The following COL8A2 variants were observed in gnomAD, a reference collection of about 807,000 sequenced individuals.
COL8A2 encodes the protein collagen alpha-2(VIII) chain.
Under a neutral mutation model 24.0 loss-of-function variants are expected in COL8A2, and 16 were observed. The observed-to-expected ratio is 0.67, with a 90% CI of 0.45 to 1.01. The LOEUF (loss-of-function observed/expected upper bound fraction) is 1.01, where lower values mean the gene tolerates loss of function less well. Ranked by LOEUF, COL8A2 falls within the 50% of genes least tolerant of loss-of-function variation. The probability of loss-of-function intolerance (pLI) is 0.00; values close to 1 mark genes in which losing one functional copy is unlikely to be tolerated. For synonymous variants in COL8A2, 466 were observed against 424.5 expected, an observed-to-expected ratio of 1.10 and a Z score of -1.20; for missense variants, 818 against 942.4, an observed-to-expected ratio of 0.87 and a Z score of 1.73.
chr1:36,124,788 A>T lies in COL8A2; in HGVS notation c.-62+269T>A, dbSNP rs556761189. ...CACATCGTCGGGGGTTGCACCCGGC[A>T]CTGTCTTATGCTGGAGCCCTCGCTT... On this transcript the variant is annotated intron_variant, in intron 1 of 3. Coordinates refer to ENST00000397799, the MANE Select transcript of COL8A2 (RefSeq NM_005202.4). 4.1e-4 allele frequency among the ~76,000 whole-genome samples: 62 copies of T among 152,014 alleles called. No homozygotes were observed. In the South Asian group the frequency reaches 0.011, roughly 28 times the overall value.
intron 2 of COL8A2, 30 bp from the exon 3 acceptor site, chr1:36,100,288 G>A (rs1643658422): frequency 3.3e-6 from 5 of 1,534,054 alleles, no homozygotes; most frequent in Non-Finnish European, 4.4e-6. Context: ...AAGTCATCAA[G>A]CCAGCCCTGG....
Position 36,098,562 on chromosome 1 carries a change from C to G in COL8A2, c.1119G>C (p.Gly373=), listed in dbSNP as rs543271039. The change falls in exon 4 of 4, where the codon GGG becomes GGC. Residue 373 remains glycine (G), a synonymous_variant. Transcript: ENST00000397799. ...CTGCCTCACCCTTAGGCCCAGGGGG[C>G]CCACGTCTGCCAGGAAGCCCTGCAG... The part of the protein sequence containing the change: ...PGSAGLPGRR[G]PPGPKGEAGP... 1.2e-6 allele frequency: 2 copies of G among 1,605,118 alleles called. No homozygotes were observed. The highest frequency in any genetic ancestry group is 2.7e-5 in the African/African-American group (2 of 74,666).
At position 36,120,410 on chromosome 1, in the gene COL8A2, A is replaced by G. The variant is rs187306817; in HGVS notation, c.-62+4647T>C. On this transcript the variant is annotated intron_variant, in intron 1 of 3. Transcript: ENST00000397799. The stretch of plus-strand genomic sequence containing the variant: ...GGAGGTTGCAGTGAGCCAAGATTGC[A>G]CCACTGCACTCCAGCCTGGGTGACA... Among the ~76,000 whole-genome samples, 1,075 of 151,740 alleles carry G rather than the reference A, an allele frequency of 7.1e-3. 14 individuals carry two copies. The highest frequency in any genetic ancestry group is 0.025 in the African/African-American group (1,030 of 41,274).
At chr1:36,110,081 C>T (rs561845737) in intron 2 of COL8A2, among the ~76,000 whole-genome samples, 1 of 151,942 alleles carries the variant, frequency 6.6e-6, no homozygotes, top group East Asian at 1.9e-4. Context: ...AGGGGCCCGC[C>T]ACCACGCCCG....
chr1:36,096,464 G>A lies in COL8A2; in HGVS notation c.*1105C>T, dbSNP rs1643565542. 6.6e-6 allele frequency: 1 copy of A among 152,310 alleles called. No individual in the cohort carries two copies. The highest frequency in any genetic ancestry group is 6.5e-5 in the Admixed American group (1 of 15,274). 9.4% of individuals were successfully genotyped at this position (152,310 alleles called of 1,614,324 possible). ...GGTGGAAGGAGAGGAAGCCCCCACA[G>A]ATGAACCCCTCTTGTACACACATAC... On this transcript the variant is annotated 3_prime_UTR_variant, in exon 4 of 4. Transcript: ENST00000397799.
chr1:36,101,852 G>T (rs1261447060), intron 2 of COL8A2, among the ~76,000 whole-genome samples: 1 of 151,532 alleles, frequency 6.6e-6, no homozygotes, highest in Admixed American at 6.6e-5. Context: ...AAACCAGCCT[G>T]GGCAACATAG....
Position 36,097,716 on chromosome 1 carries a change from G to A in COL8A2, c.1965C>T (p.Tyr655=), listed in dbSNP as rs1643592221. 3.1e-6 allele frequency: 5 copies of A among 1,613,708 alleles called. No homozygotes were observed. Among genetic ancestry groups the A allele is most frequent in the Non-Finnish European group, 4.2e-6 (5 of 1,180,030 alleles). The change falls in exon 4 of 4, where the codon TAC becomes TAT. Residue 655 remains tyrosine, a synonymous_variant. Transcript: ENST00000397799. ...CGGCCCCACCAGATGCCTGGTCCAG[G>A]TAGCCCTTCTTGTACTCATCGTAGG... is the stretch of plus-strand genomic sequence containing the variant. ...TYTYDEYKKG[Y]LDQASGGAVL...
At chr1:36,106,877 C>T (rs566054367) in intron 2 of COL8A2, among the ~76,000 whole-genome samples, 16 of 152,044 alleles carry the variant, frequency 1.1e-4, no homozygotes, top group Admixed American at 5.3e-4. Context: ...TCCTGCACTG[C>T]GTTCTGCTCG....
At position 36,099,864 on chromosome 1, in the gene COL8A2, C is replaced by T. The variant is rs74066023; in HGVS notation, c.193+186G>A. ...CCAGTTCATCTCCCCCTTGGAAGAC[C>T]ACCTGTGCCAGCTAACTGCACCGTT... On this transcript the variant is annotated intron_variant, in intron 3 of 3. Coordinates refer to ENST00000397799, the MANE Select transcript of COL8A2 (RefSeq NM_005202.4). Among the ~76,000 whole-genome samples, 13,795 of 152,242 alleles carry T rather than the reference C, an allele frequency of 0.091. 739 individuals carry two copies. The highest frequency in any genetic ancestry group is 0.2 in the South Asian group (966 of 4,820).
At chr1:36,101,609 A>C (rs976978848) in intron 2 of COL8A2, among the ~76,000 whole-genome samples, 9 of 152,228 alleles carry the variant, frequency 5.9e-5, no homozygotes, top group Non-Finnish European at 1.2e-4. Context: ...GAAATGAGAG[A>C]GGATGTCCAC....
At chr1:36,104,870 T>A (rs531326844) in intron 2 of COL8A2, among the ~76,000 whole-genome samples, 39 of 152,294 alleles carry the variant, frequency 2.6e-4, no homozygotes, top group African/African-American at 9.1e-4. Flanking sequence ...GCTGCTGTGA[T>A]AAGTGGAGAT....
intron 1 of COL8A2, among the ~76,000 whole-genome samples, chr1:36,121,761 C>T (rs1375998039): frequency 6.6e-6 from 1 of 151,982 alleles, no homozygotes; most frequent in African/African-American, 2.4e-5. Flanking sequence ...AGTAAGGTTC[C>T]CTCTGCTCCA....
intron 3 of COL8A2, 85 bp from the exon 4 acceptor site, chr1:36,099,572 G>A (rs1643643279): frequency 9.9e-7 from 1 of 1,010,906 alleles, no homozygotes; most frequent in African/African-American, 1.6e-5. Flanking sequence ...ATTCCAGTAT[G>A]AGGTACACGG....
chr1:36,114,386 C>T (rs183567681), intron 2 of COL8A2, among the ~76,000 whole-genome samples: 2 of 151,626 alleles, frequency 1.3e-5, no homozygotes, highest in Non-Finnish European at 2.9e-5. Flanking sequence ...CCCACGGATT[C>T]CCCCTTGGGG....
In COL8A2 at chr1:36,098,432, G is replaced by T; in HGVS notation, c.1249C>A (p.His417Asn). The T allele has an allele frequency of 6.3e-7, 1 of 1,584,856 alleles. No homozygotes were observed. The change falls in exon 4 of 4, where the codon CAT becomes AAT. Residue 417 changes from histidine to asparagine, a missense_variant. Coordinates refer to ENST00000397799, the MANE Select transcript of COL8A2 (RefSeq NM_005202.4). ...VPGERGLPGA[H>N]GPPGPTGPKG... is the part of the protein sequence containing the mutation. ...GGCCCAGTTGGTCCAGGGGGTCCATGGGCCCCAGGAAGTCCCCTCTCACCT... is the reference window on the plus strand; with the variant it reads ...GGCCCAGTTGGTCCAGGGGGTCCATTGGCCCCAGGAAGTCCCCTCTCACCT...
chr1:36,098,592 A>G lies in COL8A2; in HGVS notation c.1089T>C (p.Pro363=). ...PQGLGGPPGL[P]GSAGLPGRRG... is the part of the protein sequence containing the mutation. ...GTCTGCCAGGAAGCCCTGCAGACCC[A>G]GGAAGTCCAGGGGGACCCCCAAGAC... The change falls in exon 4 of 4, where the codon CCT becomes CCC. Residue 363 remains proline (P), a synonymous_variant. Transcript: ENST00000397799. The G allele has an allele frequency of 6.2e-7, 1 of 1,610,486 alleles. No homozygotes were observed. The highest frequency in any genetic ancestry group is 8.5e-7 in the Non-Finnish European group (1 of 1,178,942).
In COL8A2 at chr1:36,097,203, G is replaced by A; in HGVS notation, c.*366C>T. On this transcript the variant is annotated 3_prime_UTR_variant, in exon 4 of 4. Transcript: ENST00000397799. ...GCCGTGCCCCTTTCCTCCAGCAGGT[G>A]CCATCAGGGAGCCAGTGGGAAGGGC... 1 of 230,338 alleles carries A rather than the reference G, an allele frequency of 4.3e-6. No homozygotes were observed. Among genetic ancestry groups the A allele is most frequent in the Non-Finnish European group, 8.6e-6 (1 of 115,950 alleles). 14.3% of individuals were successfully genotyped at this position (230,338 alleles called of 1,614,324 possible).
chr1:36,106,344 A>G (rs537371861), intron 2 of COL8A2, among the ~76,000 whole-genome samples: 127 of 151,722 alleles, frequency 8.4e-4, no homozygotes, highest in African/African-American at 2.9e-3. Flanking sequence ...GTGAGAGCCT[A>G]AGCCCAGGCA....
intron 2 of COL8A2, among the ~76,000 whole-genome samples, chr1:36,105,226 T>C (rs770463955): frequency 6.6e-6 from 1 of 152,212 alleles, no homozygotes; most frequent in African/African-American, 2.4e-5. Context: ...ATCCCAGTTC[T>C]ACCACCAACC....
Sources: allele counts gnomAD v4.1 joint callset (sites outside exome capture counted in the v4.1 genomes callset), GRCh38; gene constraint gnomAD v4.1.1; transcripts MANE v1.5; gene names NCBI Gene and HGNC (gene_info 2026-07-23, HGNC 2026-07-21).